PRSS23: variants seen among roughly 807,000 people sequenced by gnomAD.
The protein encoded by PRSS23 is serine protease 23, also known as protease, serine 23.
PRSS23 carries 25 observed loss-of-function variants against 34.7 expected under a neutral mutation model. The ratio of observed to expected loss-of-function variants is 0.72; its 90% CI spans 0.53 to 1.01. PRSS23 has a LOEUF of 1.01. PRSS23 is among the 50% of genes least tolerant of loss of function. PRSS23 has a pLI of 0.00. For synonymous variants in PRSS23, 176 were observed against 186.6 expected (o/e 0.94, Z 0.46); for missense variants, 445 against 475.6 (o/e 0.94, Z 0.60).
intron 2 of PRSS23, among the ~76,000 whole-genome samples, chr11:86,868,197 A>G (rs1476610738): frequency 2.0e-5 from 3 of 152,204 alleles, no homozygotes; most frequent in African/African-American, 4.8e-5. Flanking sequence ...AGCATGAAGG[A>G]CAAAGGCTGA....
At chr11:86,880,786 G>T (rs1948767754) in intron 2 of PRSS23, among the ~76,000 whole-genome samples, 1 of 152,052 alleles carries the variant, frequency 6.6e-6, no homozygotes, top group South Asian at 2.1e-4. Context: ...GAGAATGATG[G>T]TTTCCACCTT....
intron 2 of PRSS23, among the ~76,000 whole-genome samples, chr11:86,872,016 G>A (rs1041188827): frequency 1.3e-5 from 2 of 152,202 alleles, no homozygotes; most frequent in Admixed American, 6.5e-5. Context: ...ATGGGCTCTG[G>A]AATCAAACAT....
At chr11:86,805,958 G>A (rs1241254035) in intron 1 of PRSS23, among the ~76,000 whole-genome samples, 1 of 152,186 alleles carries the variant, frequency 6.6e-6, no homozygotes, top group Non-Finnish European at 1.5e-5. Flanking sequence ...ATGCTTGGTT[G>A]TGAATGAGTT....
At chr11:86,817,920 T>C (rs1307038695) in intron 1 of PRSS23, among the ~76,000 whole-genome samples, 2 of 152,206 alleles carry the variant, frequency 1.3e-5, no homozygotes, top group African/African-American at 4.8e-5. Flanking sequence ...ATTCATATCT[T>C]AGCAGTCTGC....
chr11:86,828,845 A>G (rs1315710203), intron 2 of PRSS23, among the ~76,000 whole-genome samples: 2 of 152,094 alleles, frequency 1.3e-5, no homozygotes, highest in African/African-American at 4.8e-5. Flanking sequence ...TGGCTTGTAG[A>G]GTTTCTGCCG....
chr11:86,925,633 C>T (rs1004436292), intron 2 of PRSS23, among the ~76,000 whole-genome samples: 1 of 152,296 alleles, frequency 6.6e-6, no homozygotes, highest in East Asian at 1.9e-4. Flanking sequence ...TTACTGAGCA[C>T]TCTCTATGTA....
At chr11:86,886,333 G>A (rs950470216) in intron 2 of PRSS23, among the ~76,000 whole-genome samples, 1 of 152,200 alleles carries the variant, frequency 6.6e-6, no homozygotes. Context: ...AGGACAGCCT[G>A]CTTCCCATGA....
chr11:86,818,961 C>T (rs549533123), intron 1 of PRSS23, among the ~76,000 whole-genome samples: 2 of 152,304 alleles, frequency 1.3e-5, no homozygotes, highest in Admixed American at 1.3e-4. Flanking sequence ...CCTCTGTTAA[C>T]ATCCTACTGG....
At chr11:86,807,523 T>G (rs541736378) in intron 1 of PRSS23, 108 bp from the exon 2 acceptor site, 1 of 1,035,016 alleles carries the variant, frequency 9.7e-7, no homozygotes. Flanking sequence ...TCCTGAGGAG[T>G]GTTCAAAGAC....
upstream of PRSS23, among the ~76,000 whole-genome samples, chr11:86,800,044 A>G (rs78697368): frequency 0.011 from 1,716 of 152,132 alleles, 39 homozygotes; most frequent in African/African-American, 0.039. Context: ...CAATTCTTCA[A>G]ATTTGCCCAG....
At chr11:86,795,095 T>G (rs1947972670) in intron 1 of PRSS23, among the ~76,000 whole-genome samples, 1 of 152,274 alleles carries the variant, frequency 6.6e-6, no homozygotes, top group South Asian at 2.1e-4. Flanking sequence ...GATACATTTT[T>G]TCTTATAAAG....
At chr11:86,835,051 T>C (rs989389382) in intron 2 of PRSS23, among the ~76,000 whole-genome samples, 19 of 152,258 alleles carry the variant, frequency 1.2e-4, no homozygotes, top group Non-Finnish European at 2.2e-4. Context: ...TTGACAGTTA[T>C]ATTCTACCTT....
intron 2 of PRSS23, among the ~76,000 whole-genome samples, chr11:86,848,423 A>G (rs1358709075): frequency 6.6e-6 from 1 of 152,242 alleles, no homozygotes; most frequent in Non-Finnish European, 1.5e-5. Flanking sequence ...ATACTGACTC[A>G]GATCATGGAG....
intron 2 of PRSS23, among the ~76,000 whole-genome samples, chr11:86,866,040 C>T (rs989576690): frequency 2.6e-5 from 4 of 152,180 alleles, no homozygotes; most frequent in Admixed American, 1.3e-4. Flanking sequence ...GCCTAATCTC[C>T]TCACTTCTTG....
At chr11:86,937,617 C>G (rs1031526700) in intron 2 of PRSS23, 1 of 152,222 alleles carries the variant, frequency 6.6e-6, no homozygotes, top group African/African-American at 2.4e-5. Flanking sequence ...TACACTCCCA[C>G]CAGCACCATG....
At position 86,952,110 on chromosome 11, in the gene PRSS23, T is replaced by G. The variant is rs1486206169; in HGVS notation, c.*825T>G. ...GCCATCCAGATATCAGTGAACTCCT[T>G]GGCTGAGCGGCTGTATAAGCCAGCA... On this transcript the variant is annotated 3_prime_UTR_variant, in exon 3 of 3. Coordinates refer to the PRSS23 transcript ENST00000533902. The G allele has an allele frequency of 3.7e-6, 6 of 1,613,946 alleles. No individual in the cohort carries two copies. The highest frequency in any genetic ancestry group is 5.1e-6 in the Non-Finnish European group (6 of 1,179,972).
chr11:86,800,426 G>T, upstream of PRSS23: 1 of 982,126 alleles, frequency 1.0e-6, no homozygotes, highest in South Asian at 4.7e-5. Flanking sequence ...CGGTTTATGT[G>T]CAGTGGGGCG....
At chr11:86,848,566 A>G (rs1948505216) in intron 2 of PRSS23, among the ~76,000 whole-genome samples, 1 of 152,188 alleles carries the variant, frequency 6.6e-6, no homozygotes, top group Admixed American at 6.5e-5. Flanking sequence ...CTTTCTAGAA[A>G]TGCTGCGGGA....
chr11:86,937,207 T>C (rs962930729), intron 2 of PRSS23: 6 of 152,240 alleles, frequency 3.9e-5, no homozygotes, highest in East Asian at 1.9e-4. Context: ...ATTTAATCTT[T>C]TGAGATCACA....
Sources: allele counts gnomAD v4.1 joint callset (sites outside exome capture counted in the v4.1 genomes callset), GRCh38; gene constraint gnomAD v4.1.1; transcripts MANE v1.5; gene names NCBI Gene and HGNC (gene_info 2026-07-23, HGNC 2026-07-21).